FAAH2: variants seen among roughly 807,000 people sequenced by gnomAD.
FAAH2 encodes fatty acid amide hydrolase 2.
A neutral mutation model predicts 36.9 loss-of-function variants in FAAH2; 60 were observed. That is an observed-to-expected ratio of 1.63 (90% CI 1.32 to 2.02). The LOEUF (loss-of-function observed/expected upper bound fraction) is 2.02, where lower values mean the gene tolerates loss of function less well. Among genes scored for constraint, FAAH2 ranks in the 30% most tolerant of loss-of-function variants. The pLI is 0.00. For synonymous variants in FAAH2, 214 were observed against 143.8 expected (o/e 1.49, Z -3.49); for missense variants, 689 against 397.5 (o/e 1.73, Z -6.23).
intron 5 of FAAH2, among the ~76,000 whole-genome samples, chrX:57,347,437 G>C (rs372486788): frequency 9.1e-6 from 1 of 110,227 alleles, no homozygotes. Flanking sequence ...TCTTTAAATG[G>C]CTGTTTCATC....
chrX:57,211,937 A>G, the FAAH2 span, among the ~76,000 whole-genome samples: 1 of 112,174 alleles, frequency 8.9e-6, no homozygotes, highest in East Asian at 2.8e-4. Flanking sequence ...CAACAAAGGT[A>G]AATTTAAAAA....
intron 2 of FAAH2, among the ~76,000 whole-genome samples, chrX:57,306,994 G>GATATATATATATATAT (rs770040896): frequency 0.042 from 1,300 of 30,918 alleles, 314 homozygotes; most frequent in Middle Eastern, 0.15. Context: ...CACACACACA[G>GATATATATATATATAT]ATACATATAT....
chrX:57,461,564 C>T (rs746474643), intron 10 of FAAH2, among the ~76,000 whole-genome samples: 23 of 111,295 alleles, frequency 2.1e-4, no homozygotes, highest in African/African-American at 6.5e-4. Context: ...GGGTAAATAA[C>T]AAAATTAAGG....
the FAAH2 span, among the ~76,000 whole-genome samples, chrX:57,155,012 C>T: frequency 9.0e-6 from 1 of 111,468 alleles, no homozygotes; most frequent in African/African-American, 3.3e-5. Flanking sequence ...TTCCCAGAGT[C>T]CTGTGATGTA....
chrX:57,139,062 A>G, the FAAH2 span, among the ~76,000 whole-genome samples: 1 of 111,992 alleles, frequency 8.9e-6, no homozygotes. Context: ...TTTTTAGCTG[A>G]TGTGATTTCA....
chrX:57,371,193 C>A (rs1014157079), intron 5 of FAAH2, among the ~76,000 whole-genome samples: 2 of 111,595 alleles, frequency 1.8e-5, no homozygotes, highest in African/African-American at 3.3e-5. Flanking sequence ...GAACCTGTCA[C>A]CCAGCTAGTG....
At chrX:57,272,344 C>T in the FAAH2 span, among the ~76,000 whole-genome samples, 1 of 111,201 alleles carries the variant, frequency 9.0e-6, no homozygotes, top group Admixed American at 9.6e-5. Context: ...AGGATATTAT[C>T]CAGGAGAACT....
At chrX:57,131,083 T>TC in the FAAH2 span, among the ~76,000 whole-genome samples, 1 of 103,901 alleles carries the variant, frequency 9.6e-6, no homozygotes, top group African/African-American at 3.6e-5. Context: ...CTATTTCTTT[T>TC]TTTTTTTTTT....
chrX:57,127,047 C>A, the FAAH2 span: 1 of 111,074 alleles, frequency 9.0e-6, no homozygotes, highest in Non-Finnish European at 1.9e-5. Flanking sequence ...ACTTCTGACT[C>A]CAAGTTATGA....
chrX:57,158,812 G>T, the FAAH2 span, among the ~76,000 whole-genome samples: 42 of 111,874 alleles, frequency 3.8e-4, no homozygotes, highest in African/African-American at 1.3e-3. Flanking sequence ...CACTCTGATG[G>T]TGGTTTCTTT....
chrX:57,398,493 G>A (rs1016549341), intron 7 of FAAH2, among the ~76,000 whole-genome samples: 4 of 110,953 alleles, frequency 3.6e-5, no homozygotes, highest in South Asian at 3.8e-4. Context: ...CATGCATTGC[G>A]GATCTGGTTG....
intron 8 of FAAH2, among the ~76,000 whole-genome samples, chrX:57,434,795 A>G (rs944060576): frequency 9.0e-6 from 1 of 111,538 alleles, no homozygotes; most frequent in Non-Finnish European, 1.9e-5. Context: ...CAGCAATCCA[A>G]GACAAATACA....
At chrX:57,318,357 A>G (rs2052908011) in intron 3 of FAAH2, among the ~76,000 whole-genome samples, 1 of 112,266 alleles carries the variant, frequency 8.9e-6, no homozygotes, top group South Asian at 3.6e-4. Flanking sequence ...CCACAGAAAT[A>G]CAAACTACCA....
At chrX:57,365,795 G>A (rs2054399071) in intron 5 of FAAH2, among the ~76,000 whole-genome samples, 1 of 111,852 alleles carries the variant, frequency 8.9e-6, no homozygotes, top group Non-Finnish European at 1.9e-5. Context: ...TGAATCAAAG[G>A]AGAAGTTTCT....
chrX:57,330,447 A>T (rs1421014179), intron 3 of FAAH2, among the ~76,000 whole-genome samples: 1 of 111,702 alleles, frequency 9.0e-6, no homozygotes, highest in Admixed American at 9.5e-5. Context: ...TCCTGATAAG[A>T]TGTTATCAAT....
chrX:57,177,353 G>A, the FAAH2 span, among the ~76,000 whole-genome samples: 1 of 107,149 alleles, frequency 9.3e-6, no homozygotes, highest in East Asian at 2.9e-4. Flanking sequence ...GTTCCAAGTA[G>A]AGAAAGATTG....
chrX:57,345,081 G>GC (rs1471210498), intron 5 of FAAH2, among the ~76,000 whole-genome samples: 5 of 107,640 alleles, frequency 4.6e-5, no homozygotes, highest in Non-Finnish European at 7.7e-5. Context: ...GCATCAGGAT[G>GC]CTTGATTTCT....
At chrX:57,451,738 A>C (rs1301708516) in intron 10 of FAAH2, among the ~76,000 whole-genome samples, 1 of 111,637 alleles carries the variant, frequency 9.0e-6, no homozygotes, top group African/African-American at 3.3e-5. Context: ...GAGGAGCATG[A>C]GTTTGAAAAG....
chrX:57,436,493 GAAA>G (rs1357391179), intron 8 of FAAH2, among the ~76,000 whole-genome samples: 3 of 109,889 alleles, frequency 2.7e-5, no homozygotes, highest in Non-Finnish European at 5.7e-5. Context: ...GATTAATCAT[GAAA>G]AAAAGAGAGA....
Sources: gnomAD v4.1 joint callset for allele counts (sites outside exome capture counted in the v4.1 genomes callset) on GRCh38, gnomAD v4.1.1 for gene constraint, MANE v1.5 for transcripts, NCBI Gene and HGNC (gene_info 2026-07-23, HGNC 2026-07-21) for gene names.